Variants in KIF16B observed in about 807,000 individuals in gnomAD.
KIF16B encodes kinesin family member 16B.
A neutral mutation model predicts 156.3 loss-of-function variants in KIF16B; 98 were observed. That is an observed-to-expected ratio of 0.63 (90% CI 0.53 to 0.74). The LOEUF is 0.74. KIF16B is among the 30% of genes least tolerant of loss of function. The pLI is 0.00. For synonymous variants in KIF16B, 564 were observed against 583.7 expected, an observed-to-expected ratio of 0.97 and a Z score of 0.49; for missense variants, 1,421 against 1,606.5, an observed-to-expected ratio of 0.88 and a Z score of 1.97.
At chr20:16,360,496 G>A (rs924460109) in intron 22 of KIF16B, among the ~76,000 whole-genome samples, 9 of 152,148 alleles carry the variant, frequency 5.9e-5, no homozygotes, top group South Asian at 2.1e-4. Flanking sequence ...GGAGGTGTGA[G>A]GAACACCTCT....
At chr20:16,420,070 G>A (rs1030115437) in intron 15 of KIF16B, among the ~76,000 whole-genome samples, 11 of 152,110 alleles carry the variant, frequency 7.2e-5, no homozygotes, top group Admixed American at 1.3e-4. Flanking sequence ...ACCAATTGAA[G>A]AGCATGTTAG....
intron 15 of KIF16B, among the ~76,000 whole-genome samples, chr20:16,422,801 A>C (rs768148419): frequency 1.1e-4 from 16 of 152,288 alleles, no homozygotes; most frequent in Non-Finnish European, 2.2e-4. Flanking sequence ...CCAAGATGGA[A>C]ACATATTTTT....
chr20:16,338,149 T>C (rs950888994), intron 23 of KIF16B, among the ~76,000 whole-genome samples: 1 of 152,060 alleles, frequency 6.6e-6, no homozygotes, highest in African/African-American at 2.4e-5. Flanking sequence ...ATCCCTTTCA[T>C]CTTTGCTGTA....
At chr20:16,530,785 T>A (rs1302593568) in intron 1 of KIF16B, among the ~76,000 whole-genome samples, 1 of 152,062 alleles carries the variant, frequency 6.6e-6, no homozygotes, top group Non-Finnish European at 1.5e-5. Context: ...CACTGCAACC[T>A]CCACCTCCTA....
At chr20:16,494,465 T>C (rs972328482) in intron 11 of KIF16B, 115 bp from the exon 12 acceptor site, 3 of 626,958 alleles carry the variant, frequency 4.8e-6, no homozygotes, top group Admixed American at 7.5e-5. Flanking sequence ...TTAAATGAGA[T>C]CGCGACTTTT....
chr20:16,322,927 T>A (rs2063792313), intron 24 of KIF16B, among the ~76,000 whole-genome samples: 1 of 152,022 alleles, frequency 6.6e-6, no homozygotes, highest in Non-Finnish European at 1.5e-5. Context: ...GCATCGCTAT[T>A]ACTTTGGATA....
chr20:16,303,563 A>AT (rs1430502121), intron 25 of KIF16B, among the ~76,000 whole-genome samples: 3 of 152,084 alleles, frequency 2.0e-5, no homozygotes, highest in Admixed American at 6.6e-5. Context: ...ATTTTTTTGT[A>AT]TTTTTTTGTC....
chr20:16,539,066 T>G (rs560323669), intron 1 of KIF16B, among the ~76,000 whole-genome samples: 3 of 152,184 alleles, frequency 2.0e-5, no homozygotes, highest in Admixed American at 2.0e-4. Context: ...CAATTTAACC[T>G]CTTGTCTTAT....
intron 24 of KIF16B, among the ~76,000 whole-genome samples, chr20:16,322,255 G>A (rs758179928): frequency 4.0e-5 from 6 of 151,866 alleles, no homozygotes; most frequent in Non-Finnish European, 4.4e-5. Context: ...GAGGCCTACC[G>A]ATTTCCAATG....
intron 25 of KIF16B, among the ~76,000 whole-genome samples, chr20:16,287,702 G>C (rs1434075229): frequency 6.6e-6 from 1 of 152,208 alleles, no homozygotes; most frequent in Non-Finnish European, 1.5e-5. Context: ...AGGGTATTAA[G>C]TAGTTTCAGT....
intron 24 of KIF16B, among the ~76,000 whole-genome samples, chr20:16,331,254 G>A (rs998918264): frequency 2.0e-5 from 3 of 151,942 alleles, no homozygotes; most frequent in Admixed American, 2.0e-4. Flanking sequence ...TTTATTATTG[G>A]GGAAAAAAGA....
intron 17 of KIF16B, chr20:16,382,123 G>A (rs756844369): frequency 7.4e-7 from 1 of 1,351,990 alleles, no homozygotes. Context: ...CCTTTTATAG[G>A]GAAAAGACTG....
chr20:16,507,828 C>T, intron 7 of KIF16B, 130 bp downstream of exon 7: 1 of 940,848 alleles, frequency 1.1e-6, no homozygotes, highest in Non-Finnish European at 1.6e-6. Context: ...CTCTAATTAA[C>T]AAGAAAATGA....
Position 16,515,673 on chromosome 20 carries a change from C to CA in KIF16B, c.232-10dup. 1 of 1,428,866 alleles carries CA rather than the reference C, an allele frequency of 7.0e-7. No individual in the cohort carries two copies. Among genetic ancestry groups the CA allele is most frequent in the Non-Finnish European group, 9.9e-7 (1 of 1,015,160 alleles). 88.5% of individuals were successfully genotyped at this position (1,428,866 alleles called of 1,614,324 possible). On this transcript the variant is annotated splice_polypyrimidine_tract_variant and intron_variant, in intron 3 of 25. Transcript: ENST00000354981. ...CCGAGGGTTTTGAAAACCTGAAAGC[C>CA]AAAAAGAACACACAAAAGATACAAT...
At chr20:16,432,537 A>G (rs2066529635) in intron 12 of KIF16B, among the ~76,000 whole-genome samples, 1 of 152,190 alleles carries the variant, frequency 6.6e-6, no homozygotes, top group South Asian at 2.1e-4. Flanking sequence ...ACCATTCGCT[A>G]GGTGATGGAT....
At chr20:16,555,477 C>A (rs2070814260) in intron 1 of KIF16B, among the ~76,000 whole-genome samples, 1 of 151,964 alleles carries the variant, frequency 6.6e-6, no homozygotes, top group Non-Finnish European at 1.5e-5. Context: ...TAATGACATC[C>A]CCAAAGAAAC....
chr20:16,500,393 T>C (rs2068585017), intron 10 of KIF16B, among the ~76,000 whole-genome samples: 1 of 152,182 alleles, frequency 6.6e-6, no homozygotes, highest in South Asian at 2.1e-4. Flanking sequence ...AGGTAGTCTT[T>C]TGTTGCATGA....
At chr20:16,511,383 C>T (rs766245797) in intron 6 of KIF16B, 35 bp downstream of exon 6, 2 of 1,150,802 alleles carry the variant, frequency 1.7e-6, no homozygotes, top group South Asian at 1.5e-5. Context: ...ACATAGATCA[C>T]AAAAAGAATA....
At position 16,547,052 on chromosome 20, in the gene KIF16B, C is replaced by T. The variant is rs1048595556; in HGVS notation, c.48-18612G>A. Among the ~76,000 whole-genome samples, 6 of 152,190 alleles carry T rather than the reference C, an allele frequency of 3.9e-5. No individual in the cohort carries two copies. In the East Asian group the frequency reaches 1.2e-3, roughly 29 times the overall value. On this transcript the variant is annotated intron_variant, in intron 1 of 25. Coordinates refer to ENST00000354981, the MANE Select transcript of KIF16B (RefSeq NM_024704.5). The stretch of plus-strand genomic sequence containing the variant: ...TCGGTCTCCCAAAGTCCTGGGATTA[C>T]AGGTGTGAGCCACCGCACCCAGCTT...
Sources: gnomAD v4.1 joint callset for allele counts (sites outside exome capture counted in the v4.1 genomes callset) on GRCh38, gnomAD v4.1.1 for gene constraint, MANE v1.5 for transcripts, NCBI Gene and HGNC (gene_info 2026-07-23, HGNC 2026-07-21) for gene names.